CTNNA3: variants seen among roughly 807,000 people sequenced by gnomAD.
CTNNA3 encodes catenin alpha 3.
CTNNA3 carries 76 observed loss-of-function variants against 95.7 expected under a neutral mutation model. That is an observed-to-expected ratio of 0.79 (90% CI 0.66 to 0.96). CTNNA3 has a LOEUF of 0.96. Among genes scored for constraint, CTNNA3 ranks in the 40% least tolerant of loss-of-function variants. The probability of loss-of-function intolerance (pLI) is 0.00; values close to 1 mark genes in which losing one functional copy is unlikely to be tolerated. For missense variants in CTNNA3, 1,191 were observed against 1,089.8 expected, an observed-to-expected ratio of 1.09 and a Z score of -1.31; for synonymous variants, 431 against 374.4, an observed-to-expected ratio of 1.15 and a Z score of -1.74.
intron 15 of CTNNA3, among the ~76,000 whole-genome samples, chr10:66,032,198 C>A (rs769761753): frequency 1.6e-4 from 24 of 151,938 alleles, no homozygotes; most frequent in Admixed American, 6.6e-5. Context: ...CACAATATTT[C>A]TTTGATTTTT....
chr10:66,592,409 A>G (rs1843583465), intron 10 of CTNNA3, among the ~76,000 whole-genome samples: 3 of 152,144 alleles, frequency 2.0e-5, no homozygotes, highest in African/African-American at 7.2e-5. Flanking sequence ...ACTTACCAAA[A>G]CCCTTTGTGT....
At chr10:66,451,356 T>C (rs551607753) in intron 11 of CTNNA3, among the ~76,000 whole-genome samples, 1 of 152,222 alleles carries the variant, frequency 6.6e-6, no homozygotes, top group Non-Finnish European at 1.5e-5. Context: ...ATTATCCCCA[T>C]TTTATGGATA....
At chr10:66,218,393 C>G (rs1047443387) in intron 13 of CTNNA3, among the ~76,000 whole-genome samples, 3 of 151,546 alleles carry the variant, frequency 2.0e-5, no homozygotes, top group African/African-American at 7.3e-5. Flanking sequence ...GTGGTTTCAT[C>G]TCTCTCTCTC....
At chr10:67,563,373 GA>G (rs1331778102) in intron 3 of CTNNA3, among the ~76,000 whole-genome samples, 1 of 151,012 alleles carries the variant, frequency 6.6e-6, no homozygotes, top group African/African-American at 2.5e-5. Context: ...ACAAACCTGA[GA>G]AAAACTAGAA....
rs562460125 is a variant in CTNNA3 at position 67,262,842 on chromosome 10, T to C, written c.580-42972A>G. The stretch of plus-strand genomic sequence containing the variant: ...AATGCAAAATAACACAAAGGGGAAG[T>C]GAAAAATAGCACCGCTAATCAGCAA... On this transcript the variant is annotated intron_variant, in intron 5 of 17. Coordinates refer to ENST00000433211, the MANE Select transcript of CTNNA3 (RefSeq NM_013266.4). Among the ~76,000 whole-genome samples the C allele has an allele frequency of 4.6e-5, 7 of 152,048 alleles. No homozygotes were observed. In the South Asian group the frequency reaches 1.5e-3, roughly 32 times the overall value.
At chr10:66,155,539 A>G (rs1012200620) in intron 13 of CTNNA3, among the ~76,000 whole-genome samples, 2 of 151,860 alleles carry the variant, frequency 1.3e-5, no homozygotes, top group Non-Finnish European at 2.9e-5. Context: ...GTCCAGAAAC[A>G]AACCCACACA....
At chr10:66,125,776 T>C (rs1052148128) in intron 13 of CTNNA3, among the ~76,000 whole-genome samples, 2 of 152,100 alleles carry the variant, frequency 1.3e-5, no homozygotes. Flanking sequence ...ATGATCCCAA[T>C]TGAACAGTAT....
chr10:66,924,136 G>A (rs776771889), intron 7 of CTNNA3, among the ~76,000 whole-genome samples: 8 of 152,190 alleles, frequency 5.3e-5, no homozygotes, highest in Non-Finnish European at 8.8e-5. Context: ...TCCTGGGGGA[G>A]GGATTGGGCA....
chr10:67,101,626 T>C (rs886554097), intron 7 of CTNNA3, among the ~76,000 whole-genome samples: 2 of 151,652 alleles, frequency 1.3e-5, no homozygotes, highest in Non-Finnish European at 3.0e-5. Context: ...TTAATACAAA[T>C]TACATTTTTA....
rs573664950 is a variant in CTNNA3, at chr10:67,585,436, C to A, written c.292+21421G>T. Among the ~76,000 whole-genome samples the A allele has an allele frequency of 1.3e-3, 192 of 152,216 alleles. 1 individual carries two copies. Among genetic ancestry groups the A allele is most frequent in the African/African-American group, 4.2e-3 (174 of 41,540 alleles). ...GAATTAGTGCTTTGTATATTTGGTACAATGCAGCTGTGAATCCATCTGGTC... is the reference window on the plus strand; with the variant it reads ...GAATTAGTGCTTTGTATATTTGGTAAAATGCAGCTGTGAATCCATCTGGTC... On this transcript the variant is annotated intron_variant, in intron 3 of 17. Coordinates refer to ENST00000433211, the MANE Select transcript of CTNNA3 (RefSeq NM_013266.4).
chr10:66,431,065 C>G (rs560508175), intron 11 of CTNNA3, among the ~76,000 whole-genome samples: 1 of 145,924 alleles, frequency 6.9e-6, no homozygotes, highest in Non-Finnish European at 1.5e-5. Flanking sequence ...AAAAAAAAAA[C>G]CCATCAAAAA....
intron 10 of CTNNA3, among the ~76,000 whole-genome samples, chr10:66,572,909 A>G (rs1249217430): frequency 1.3e-5 from 2 of 152,142 alleles, no homozygotes; most frequent in Non-Finnish European, 2.9e-5. Context: ...TTTGCACTAC[A>G]TTGAGGCTAA....
chr10:67,031,865 T>C (rs922268772), intron 7 of CTNNA3, among the ~76,000 whole-genome samples: 8 of 152,198 alleles, frequency 5.3e-5, no homozygotes, highest in East Asian at 1.9e-4. Context: ...GCCTCTTTTA[T>C]TGGGCCACAA....
intron 5 of CTNNA3, among the ~76,000 whole-genome samples, chr10:67,393,489 C>T (rs114209050): frequency 0.012 from 1,750 of 152,034 alleles, 37 homozygotes; most frequent in African/African-American, 0.04. Context: ...GGTGCCATAT[C>T]GCTTACAGTC....
At chr10:67,477,789 G>A (rs2133044140) in intron 5 of CTNNA3, among the ~76,000 whole-genome samples, 1 of 152,284 alleles carries the variant, frequency 6.6e-6, no homozygotes, top group Non-Finnish European at 1.5e-5. Flanking sequence ...CCTGGATGAA[G>A]CAACACCACT....
chr10:66,741,154 A>G (rs541621429), intron 9 of CTNNA3, among the ~76,000 whole-genome samples: 2 of 152,334 alleles, frequency 1.3e-5, no homozygotes, highest in African/African-American at 4.8e-5. Flanking sequence ...AGTAGATTTC[A>G]GAAGTGAAAG....
intron 7 of CTNNA3, among the ~76,000 whole-genome samples, chr10:67,121,141 T>C (rs1189836509): frequency 1.3e-5 from 2 of 152,072 alleles, no homozygotes; most frequent in Admixed American, 6.6e-5. Context: ...TAATAGTTTA[T>C]CTGAACTCTC....
chr10:67,735,127 GCACACACACACACACACAAACACACA>G (rs1175856098), intron 1 of CTNNA3, among the ~76,000 whole-genome samples: 5 of 108,358 alleles, frequency 4.6e-5, no homozygotes, highest in Non-Finnish European at 6.9e-5. Flanking sequence ...CAGCAAGTGA[GCACACACACACACACACAAACACACA>G]CACACACACA....
At chr10:66,569,883 G>A (rs1239202071) in intron 10 of CTNNA3, among the ~76,000 whole-genome samples, 1 of 152,150 alleles carries the variant, frequency 6.6e-6, no homozygotes, top group Non-Finnish European at 1.5e-5. Flanking sequence ...TCAAAAGGCA[G>A]AGCCATTACT....
Sources: allele counts gnomAD v4.1 joint callset (sites outside exome capture counted in the v4.1 genomes callset), GRCh38; gene constraint gnomAD v4.1.1; transcripts MANE v1.5; gene names NCBI Gene and HGNC (gene_info 2026-07-23, HGNC 2026-07-21).